LINGO2: variants seen among roughly 807,000 people sequenced by gnomAD.
LINGO2 encodes leucine rich repeat and Ig domain containing 2.
In LINGO2, 14 loss-of-function variants were observed where a neutral mutation model predicts 30.6. The observed-to-expected ratio is 0.46, with a 90% confidence interval of 0.30 to 0.72. LINGO2 has a LOEUF of 0.72. Ranked by LOEUF, LINGO2 falls within the 30% of genes least tolerant of loss-of-function variation. The probability of loss-of-function intolerance (pLI) is 0.07; values close to 1 mark genes in which losing one functional copy is unlikely to be tolerated. For missense variants in LINGO2, 729 were observed against 751.7 expected (o/e 0.97, Z 0.35); for synonymous variants, 317 against 288.5 (o/e 1.10, Z -1.00).
At chr9:28,178,905 C>G (rs567941481) in intron 4 of LINGO2, among the ~76,000 whole-genome samples, 1 of 152,188 alleles carries the variant, frequency 6.6e-6, no homozygotes, top group South Asian at 2.1e-4. Context: ...ACGATACGCA[C>G]TCCATTTTCA....
At chr9:28,495,428 T>C in intron 1 of LINGO2, among the ~76,000 whole-genome samples, 1 of 152,236 alleles carries the variant, frequency 6.6e-6, no homozygotes, top group Non-Finnish European at 1.5e-5. Flanking sequence ...TTCAGCTTTC[T>C]ACATATGGCT....
chr9:28,705,703 T>C, the LINGO2 span, among the ~76,000 whole-genome samples: 1 of 152,122 alleles, frequency 6.6e-6, no homozygotes, highest in Non-Finnish European at 1.5e-5. Flanking sequence ...AGGGCCCCAG[T>C]ATGAATGTCC....
chr9:28,133,796 G>A (rs115737439), intron 4 of LINGO2, among the ~76,000 whole-genome samples: 1,602 of 152,076 alleles, frequency 0.011, 31 homozygotes, highest in African/African-American at 0.034. Flanking sequence ...TTGGTCTTGG[G>A]ATCTTTATTT....
intron 4 of LINGO2, among the ~76,000 whole-genome samples, chr9:28,068,110 A>G (rs925260133): frequency 6.6e-6 from 1 of 152,162 alleles, no homozygotes; most frequent in Non-Finnish European, 1.5e-5. Flanking sequence ...GGATCCCCAA[A>G]TTGCTTAGAC....
At chr9:28,226,712 A>G (rs1016215349) in intron 4 of LINGO2, among the ~76,000 whole-genome samples, 2 of 151,696 alleles carry the variant, frequency 1.3e-5, no homozygotes, top group African/African-American at 4.8e-5. Context: ...AGAGAAAGAG[A>G]AAGAAAGAAA....
At chr9:28,819,206 G>T in the LINGO2 span, among the ~76,000 whole-genome samples, 1 of 152,008 alleles carries the variant, frequency 6.6e-6, no homozygotes, top group South Asian at 2.1e-4. Flanking sequence ...GAAAGCAGGG[G>T]ATATACTTGT....
the LINGO2 span, among the ~76,000 whole-genome samples, chr9:28,820,047 T>A: frequency 6.6e-6 from 1 of 152,190 alleles, no homozygotes; most frequent in African/African-American, 2.4e-5. Flanking sequence ...TACAGGGATA[T>A]GTACAGGGAC....
chr9:28,379,104 A>G, intron 2 of LINGO2, among the ~76,000 whole-genome samples: 1 of 152,334 alleles, frequency 6.6e-6, no homozygotes, highest in East Asian at 1.9e-4. Context: ...GATATTAAAA[A>G]TATTAAAAGT....
intron 5 of LINGO2, among the ~76,000 whole-genome samples, chr9:27,991,298 C>T (rs1424199778): frequency 1.3e-5 from 2 of 152,012 alleles, no homozygotes. Context: ...ACAGCCTTCT[C>T]TGAAGAGCTT....
At chr9:28,883,186 T>G in the LINGO2 span, among the ~76,000 whole-genome samples, 74 of 152,222 alleles carry the variant, frequency 4.9e-4, 1 homozygote, top group African/African-American at 1.8e-3. Flanking sequence ...CTTCTTTAAT[T>G]TATTTATTTA....
intron 5 of LINGO2, among the ~76,000 whole-genome samples, chr9:27,989,862 G>T (rs1162562017): frequency 6.6e-6 from 1 of 151,964 alleles, no homozygotes; most frequent in Non-Finnish European, 1.5e-5. Flanking sequence ...CAGGTTTTAT[G>T]ATTTCAAGCC....
At chr9:28,893,896 C>A in the LINGO2 span, among the ~76,000 whole-genome samples, 2 of 151,160 alleles carry the variant, frequency 1.3e-5, no homozygotes, top group African/African-American at 4.9e-5. Context: ...TGCTATCCCT[C>A]CCCCCTGCCC....
chr9:28,144,491 CA>C (rs1301939764), intron 4 of LINGO2, among the ~76,000 whole-genome samples: 4 of 152,348 alleles, frequency 2.6e-5, no homozygotes, highest in African/African-American at 9.6e-5. Context: ...CATCCACAGA[CA>C]ACATTCATAA....
At chr9:28,711,985 C>T in the LINGO2 span, among the ~76,000 whole-genome samples, 1 of 152,004 alleles carries the variant, frequency 6.6e-6, no homozygotes. Flanking sequence ...ATGCTAGGAA[C>T]AATGAAGACA....
chr9:28,285,436 C>T (rs1823472982), intron 4 of LINGO2, among the ~76,000 whole-genome samples: 1 of 108,942 alleles, frequency 9.2e-6, no homozygotes, highest in Non-Finnish European at 1.7e-5. Flanking sequence ...GACTGAGTCT[C>T]ACTCTGTCTC....
At chr9:28,292,730 C>G (rs1347980917) in intron 4 of LINGO2, among the ~76,000 whole-genome samples, 1 of 151,980 alleles carries the variant, frequency 6.6e-6, no homozygotes, top group African/African-American at 2.4e-5. Context: ...TCCCAAAGTG[C>G]TAGGATTACA....
the LINGO2 span, among the ~76,000 whole-genome samples, chr9:29,026,593 TA>T: frequency 4.5e-4 from 69 of 152,022 alleles, no homozygotes; most frequent in South Asian, 6.2e-4. Context: ...ACTATGCAAT[TA>T]AAAAAAATTG....
At chr9:29,076,679 T>C in the LINGO2 span, among the ~76,000 whole-genome samples, 1 of 149,560 alleles carries the variant, frequency 6.7e-6, no homozygotes, top group Non-Finnish European at 1.5e-5. Context: ...AATTTGCCCT[T>C]TTAGACACAC....
At position 28,070,479 on chromosome 9, in the gene LINGO2, G is replaced by A. The variant is rs74456206; in HGVS notation, c.-86-58074C>T. Reference sequence around the variant, plus strand: ...TTTCAGTTTATTTGATTGTCCTACAGTCCTGCCTTAAATCCCAGGATGGCT... The same window carrying A: ...TTTCAGTTTATTTGATTGTCCTACAATCCTGCCTTAAATCCCAGGATGGCT... On this transcript the variant is annotated intron_variant, in intron 4 of 5. Coordinates refer to ENST00000379992, the Ensembl canonical transcript of LINGO2. 1.3e-3 allele frequency among the ~76,000 whole-genome samples: 205 copies of A among 152,230 alleles called. 1 individual carries two copies. The highest frequency in any genetic ancestry group is 2.5e-3 in the Non-Finnish European group (168 of 68,008).
Sources: allele counts gnomAD v4.1 joint callset (sites outside exome capture counted in the v4.1 genomes callset), GRCh38; gene constraint gnomAD v4.1.1; transcripts MANE v1.5; gene names NCBI Gene and HGNC (gene_info 2026-07-23, HGNC 2026-07-21).